COL19A1: variants seen among roughly 807,000 people sequenced by gnomAD.
The protein encoded by COL19A1 is collagen type XIX alpha 1 chain.
In COL19A1, 159 loss-of-function variants were observed where a neutral mutation model predicts 190.2. That is an observed-to-expected ratio of 0.84 (90% confidence interval 0.73 to 0.95). The LOEUF is 0.95. Among genes scored for constraint, COL19A1 ranks in the 40% least tolerant of loss-of-function variants. COL19A1 has a pLI of 0.00. For synonymous variants in COL19A1, 509 were observed against 458.9 expected (o/e 1.11, Z -1.39); for missense variants, 1,418 against 1,431.9 (o/e 0.99, Z 0.16).
intron 1 of COL19A1, among the ~76,000 whole-genome samples, chr6:69,869,812 G>A (rs978220801): frequency 2.0e-5 from 3 of 152,234 alleles, no homozygotes; most frequent in African/African-American, 7.2e-5. Context: ...AATAGGTTAA[G>A]TGTGCTCAAA....
chr6:70,090,326 T>C (rs1782830875), intron 15 of COL19A1, among the ~76,000 whole-genome samples: 1 of 152,204 alleles, frequency 6.6e-6, no homozygotes, highest in African/African-American at 2.4e-5. Context: ...ACTGAACATG[T>C]ACAGACATTT....
At chr6:69,990,362 A>T (rs1048923637) in intron 11 of COL19A1, among the ~76,000 whole-genome samples, 1 of 152,098 alleles carries the variant, frequency 6.6e-6, no homozygotes, top group South Asian at 2.1e-4. Context: ...ATTTTTAAAC[A>T]TAACTTTTTA....
At chr6:69,915,484 G>A (rs1771230052) in intron 4 of COL19A1, among the ~76,000 whole-genome samples, 1 of 152,094 alleles carries the variant, frequency 6.6e-6, no homozygotes, top group South Asian at 2.1e-4. Context: ...TTGGACAGCC[G>A]GGAATGCTCA....
intron 48 of COL19A1, 42 bp downstream of exon 48, chr6:70,190,423 C>A: frequency 8.0e-7 from 1 of 1,243,418 alleles, no homozygotes; most frequent in South Asian, 1.3e-5. Context: ...TTCACTGATT[C>A]CCACCTCCCA....
chr6:69,953,747 A>G (rs1001448912), intron 9 of COL19A1, among the ~76,000 whole-genome samples: 1 of 151,962 alleles, frequency 6.6e-6, no homozygotes, highest in Non-Finnish European at 1.5e-5. Context: ...TATTTGCTAA[A>G]CAGTCAGATT....
At chr6:69,985,298 T>C (rs1776252999) in intron 11 of COL19A1, among the ~76,000 whole-genome samples, 1 of 152,212 alleles carries the variant, frequency 6.6e-6, no homozygotes, top group Non-Finnish European at 1.5e-5. Context: ...AGAGAATCAG[T>C]TGAAAATGAC....
chr6:69,937,437 C>T (rs991683023), intron 8 of COL19A1, among the ~76,000 whole-genome samples: 3 of 152,094 alleles, frequency 2.0e-5, no homozygotes, highest in African/African-American at 4.8e-5. Flanking sequence ...CCAATATGAT[C>T]CCCTGGTCAA....
rs1445892822 is a variant in COL19A1 at position 69,950,725 on chromosome 6, C to A, written c.937-9271C>A. Among the ~76,000 whole-genome samples, 17 of 150,280 alleles carry A rather than the reference C, an allele frequency of 1.1e-4. 1 individual carries two copies. Among genetic ancestry groups the A allele is most frequent in the Admixed American group, 1.0e-3 (15 of 15,012 alleles). ...ACACACACACACACACATGTTCACA[C>A]CTTGCATCCTCATGGTATGAAGTAG... On this transcript the variant is annotated intron_variant, in intron 9 of 50. Transcript: ENST00000620364.
At chr6:69,955,789 G>A (rs535435985) in intron 9 of COL19A1, among the ~76,000 whole-genome samples, 1 of 152,134 alleles carries the variant, frequency 6.6e-6, no homozygotes, top group South Asian at 2.1e-4. Flanking sequence ...ACAAAGGGAT[G>A]TCATGTATAA....
At chr6:70,120,979 G>A (rs141051684) in intron 16 of COL19A1, among the ~76,000 whole-genome samples, 1 of 152,098 alleles carries the variant, frequency 6.6e-6, no homozygotes, top group Non-Finnish European at 1.5e-5. Flanking sequence ...GTATAATGGT[G>A]CTGTTTGATT....
intron 48 of COL19A1, 117 bp from the exon 49 acceptor site, chr6:70,199,491 G>C (rs1767410576): frequency 6.4e-6 from 5 of 784,724 alleles, no homozygotes; most frequent in Non-Finnish European, 9.0e-6. Flanking sequence ...TGGTAAATTA[G>C]ATGTGCTTAA....
chr6:70,036,374 C>T (rs1162959832), intron 14 of COL19A1, among the ~76,000 whole-genome samples: 1 of 152,178 alleles, frequency 6.6e-6, no homozygotes, highest in Non-Finnish European at 1.5e-5. Context: ...TACATTCTCC[C>T]AACACTTTCC....
intron 4 of COL19A1, among the ~76,000 whole-genome samples, chr6:69,908,113 C>T (rs1363875126): frequency 2.6e-5 from 4 of 152,148 alleles, no homozygotes; most frequent in African/African-American, 9.7e-5. Context: ...CATTCCTTGC[C>T]TCTTAAGGGA....
intron 11 of COL19A1, among the ~76,000 whole-genome samples, chr6:69,996,171 A>G (rs1180186894): frequency 1.3e-5 from 2 of 152,164 alleles, no homozygotes; most frequent in African/African-American, 4.8e-5. Context: ...CAGTATTGAC[A>G]CAATACTATT....
chr6:69,873,744 TG>T (rs1181471960), intron 1 of COL19A1, among the ~76,000 whole-genome samples: 1 of 152,148 alleles, frequency 6.6e-6, no homozygotes, highest in African/African-American at 2.4e-5. Context: ...ACTGTGACAT[TG>T]GGGATTAAGT....
At chr6:70,040,371 T>C (rs548168526) in intron 14 of COL19A1, among the ~76,000 whole-genome samples, 37 of 152,214 alleles carry the variant, frequency 2.4e-4, no homozygotes, top group Middle Eastern at 3.4e-3. Context: ...CTAGAAACAG[T>C]TTGATTTGCT....
intron 4 of COL19A1, among the ~76,000 whole-genome samples, chr6:69,921,583 C>T (rs1269801528): frequency 7.2e-6 from 1 of 139,756 alleles, no homozygotes; most frequent in African/African-American, 2.7e-5. Context: ...CATATATATT[C>T]GCACATAGAT....
chr6:70,088,519 G>A (rs981358436), intron 15 of COL19A1, among the ~76,000 whole-genome samples: 2 of 152,062 alleles, frequency 1.3e-5, no homozygotes, highest in African/African-American at 4.8e-5. Flanking sequence ...ATGACTATGG[G>A]TAACAAGTAT....
intron 18 of COL19A1, among the ~76,000 whole-genome samples, chr6:70,130,781 A>G (rs1785472906): frequency 6.6e-6 from 1 of 152,244 alleles, no homozygotes; most frequent in Non-Finnish European, 1.5e-5. Flanking sequence ...CTGTAATAAG[A>G]TAAATGAAAT....
Sources: allele counts gnomAD v4.1 joint callset (sites outside exome capture counted in the v4.1 genomes callset), GRCh38; gene constraint gnomAD v4.1.1; transcripts MANE v1.5; gene names NCBI Gene and HGNC (gene_info 2026-07-23, HGNC 2026-07-21).